The following SCRN3 variants were observed in gnomAD, a reference collection of about 807,000 sequenced individuals.
The protein encoded by SCRN3 is secernin 3.
In SCRN3, 39 loss-of-function variants were observed where a neutral mutation model predicts 43.1. The observed-to-expected ratio is 0.91, with a 90% CI of 0.70 to 1.18. The LOEUF (loss-of-function observed/expected upper bound fraction) is 1.18, where lower values mean the gene tolerates loss of function less well. SCRN3 is among the 50% of genes most tolerant of loss of function. SCRN3 has a pLI of 0.00. For synonymous variants in SCRN3, 147 were observed against 163.1 expected (o/e 0.90, Z 0.75); for missense variants, 484 against 498.0 (o/e 0.97, Z 0.27).
At chr2:174,427,233 CT>C (rs1328336633) in intron 7 of SCRN3, among the ~76,000 whole-genome samples, 1 of 152,090 alleles carries the variant, frequency 6.6e-6, no homozygotes, top group East Asian at 1.9e-4. Context: ...AATCATAGAC[CT>C]TTTTTCTCCC....
chr2:174,412,753 T>C (rs116367045), intron 5 of SCRN3, among the ~76,000 whole-genome samples: 3 of 152,204 alleles, frequency 2.0e-5, no homozygotes, highest in Admixed American at 6.5e-5. Context: ...GTAAGAATGC[T>C]TGGGCCTACC....
At chr2:174,397,356 GT>G in intron 1 of SCRN3, 1 of 980,820 alleles carries the variant, frequency 1.0e-6, no homozygotes, top group Non-Finnish European at 1.2e-6. Context: ...ACCTTTAGGT[GT>G]TCTATTATAA....
chr2:174,399,927 A>G lies in SCRN3; in HGVS notation c.165A>G (p.Thr55=), dbSNP rs1685446812. 7 of 1,478,510 alleles carry G rather than the reference A, an allele frequency of 4.7e-6. No homozygotes were observed. Among genetic ancestry groups the G allele is most frequent in the Middle Eastern group, 1.8e-4 (1 of 5,620 alleles). The allele number at this position is 1,478,510 out of a possible 1,614,324, so 91.6% of individuals were successfully genotyped here. Residue 55 remains threonine, a synonymous_variant, in exon 3 of 8, where the codon ACA becomes ACG. Transcript: ENST00000272732. Reference sequence around the variant, plus strand: ...TTTTTTTTTTTTTTTTACAGTGTACATATATAGAAATTGATCAAGTTCCTG... The same window carrying G: ...TTTTTTTTTTTTTTTTACAGTGTACGTATATAGAAATTGATCAAGTTCCTG... ...HDNLGERLKC[T]YIEIDQVPET... is the part of the protein sequence containing the mutation.
intron 7 of SCRN3, among the ~76,000 whole-genome samples, chr2:174,426,039 T>G (rs1271188658): frequency 2.6e-5 from 4 of 152,208 alleles, no homozygotes; most frequent in Non-Finnish European, 5.9e-5. Context: ...TATGTGAATA[T>G]TAACTGTTTG....
intron 7 of SCRN3, among the ~76,000 whole-genome samples, chr2:174,427,098 G>A (rs1462310838): frequency 2.0e-5 from 3 of 152,110 alleles, no homozygotes; most frequent in Non-Finnish European, 4.4e-5. Context: ...CCAAAGTGCT[G>A]GGGTTACAGG....
In SCRN3 at chr2:174,424,601, A is replaced by G. The variant is rs982434973; in HGVS notation, c.1044A>G (p.Pro348=). 2 of 1,613,164 alleles carry G rather than the reference A, an allele frequency of 1.2e-6. No individual in the cohort carries two copies. The highest frequency in any genetic ancestry group is 1.7e-5 in the Admixed American group (1 of 59,964). The stretch of plus-strand genomic sequence containing the variant: ...ATTTTAAGCCTGACAGAAGACACCC[A>G]CTCTACCAAAAACATCAACAGGCAT... ...KSHFKPDRRH[P]LYQKHQQALE... The change falls in exon 7 of 8, where the codon CCA becomes CCG. Residue 348 remains proline (P), a synonymous_variant. Transcript: ENST00000272732.
At chr2:174,403,971 G>T in intron 4 of SCRN3, 132 bp from the exon 5 acceptor site, 1 of 610,396 alleles carries the variant, frequency 1.6e-6, no homozygotes, top group Non-Finnish European at 2.9e-6. Flanking sequence ...ATATGTAATA[G>T]ATGCCCATGG....
At chr2:174,416,019 T>C (rs752955582) in intron 5 of SCRN3, among the ~76,000 whole-genome samples, 18 of 152,204 alleles carry the variant, frequency 1.2e-4, no homozygotes, top group Non-Finnish European at 2.5e-4. Flanking sequence ...GCTTCTCATG[T>C]ATTCATTAAA....
intron 5 of SCRN3, among the ~76,000 whole-genome samples, chr2:174,409,721 T>G (rs1685831107): frequency 7.0e-6 from 1 of 143,108 alleles, no homozygotes; most frequent in Non-Finnish European, 1.6e-5. Flanking sequence ...CCCTGCCGTG[T>G]GAGGTGTCAG....
chr2:174,411,539 C>T (rs1685916416), intron 5 of SCRN3, among the ~76,000 whole-genome samples: 1 of 152,106 alleles, frequency 6.6e-6, no homozygotes, highest in South Asian at 2.1e-4. Flanking sequence ...CTACAAGTTC[C>T]ATTGGTTCGT....
intron 7 of SCRN3, among the ~76,000 whole-genome samples, chr2:174,426,526 C>A (rs1686488474): frequency 6.6e-6 from 1 of 152,140 alleles, no homozygotes; most frequent in Middle Eastern, 3.2e-3. Flanking sequence ...AATCCCAGCA[C>A]TTTGGGAGGC....
chr2:174,421,327 G>A (rs1230928498), intron 5 of SCRN3, among the ~76,000 whole-genome samples: 7 of 152,188 alleles, frequency 4.6e-5, no homozygotes, highest in African/African-American at 1.4e-4. Context: ...AGCAAGGTAC[G>A]CAGGAGTAGA....
At chr2:174,396,386 G>A in intron 1 of SCRN3, 1 of 934,564 alleles carries the variant, frequency 1.1e-6, no homozygotes, top group Non-Finnish European at 1.3e-6. Flanking sequence ...ACCCCAGTTA[G>A]GCAGCTCAGG....
chr2:174,403,799 T>G (rs1475898972), intron 4 of SCRN3, among the ~76,000 whole-genome samples: 1 of 152,174 alleles, frequency 6.6e-6, no homozygotes, highest in African/African-American at 2.4e-5. Context: ...ACCAATATTC[T>G]GGTTGTGATA....
chr2:174,410,141 G>T (rs1685857612), intron 5 of SCRN3: 1 of 151,516 alleles, frequency 6.6e-6, no homozygotes, highest in Non-Finnish European at 1.5e-5. Flanking sequence ...TCCGAGCCAG[G>T]TGTGGGATAT....
At chr2:174,398,022 G>A (rs1365200425) in intron 1 of SCRN3, among the ~76,000 whole-genome samples, 2 of 152,070 alleles carry the variant, frequency 1.3e-5, no homozygotes, top group East Asian at 1.9e-4. Flanking sequence ...CAGGGCTTTG[G>A]GAGGCAGAAG....
chr2:174,400,364 G>A (rs1371878467), intron 3 of SCRN3, among the ~76,000 whole-genome samples: 1 of 151,990 alleles, frequency 6.6e-6, no homozygotes, highest in Non-Finnish European at 1.5e-5. Context: ...ATGGCTCACT[G>A]TGCCCTTGAA....
intron 5 of SCRN3, among the ~76,000 whole-genome samples, chr2:174,418,419 T>A (rs1417213402): frequency 1.3e-5 from 2 of 152,240 alleles, no homozygotes; most frequent in Non-Finnish European, 2.9e-5. Flanking sequence ...GTGCTGCATG[T>A]ATATCCAAAT....
chr2:174,400,932 AT>A, intron 3 of SCRN3, 57 bp from the exon 4 acceptor site: 1 of 1,351,624 alleles, frequency 7.4e-7, no homozygotes, highest in Non-Finnish European at 1.0e-6. Context: ...GCATGAAATT[AT>A]TTAAAAAAAA....
Sources: gnomAD v4.1 joint callset for allele counts (sites outside exome capture counted in the v4.1 genomes callset) on GRCh38, gnomAD v4.1.1 for gene constraint, MANE v1.5 for transcripts, NCBI Gene and HGNC (gene_info 2026-07-23, HGNC 2026-07-21) for gene names.